The following SLC35B1 variants were observed in gnomAD, a reference collection of about 807,000 sequenced individuals.
SLC35B1 encodes ATP/ADP exchanger ER.
SLC35B1 carries 27 observed loss-of-function variants against 36.6 expected under a neutral mutation model. The observed-to-expected ratio is 0.74, with a 90% CI of 0.54 to 1.02. The LOEUF is 1.02. SLC35B1 is among the 50% of genes least tolerant of loss of function. The pLI is 0.00. For missense variants in SLC35B1, 321 were observed against 383.2 expected (o/e 0.84, Z 1.35); for synonymous variants, 162 against 152.5 (o/e 1.06, Z -0.46).
chr17:49,708,189 G>A (rs962501478), upstream of SLC35B1: 3 of 632,368 alleles, frequency 4.7e-6, no homozygotes, highest in African/African-American at 3.7e-5. Flanking sequence ...GAGCACCACA[G>A]GGTGTCCTAG....
At chr17:49,703,384 C>T in intron 6 of SLC35B1, 90 bp from the exon 7 acceptor site, 1 of 821,876 alleles carries the variant, frequency 1.2e-6, no homozygotes, top group Non-Finnish European at 2.1e-6. Context: ...ACAGACACTC[C>T]TGCACATGGC....
At chr17:49,703,766 A>G (rs1283059127) in intron 6 of SLC35B1, 2 of 356,848 alleles carry the variant, frequency 5.6e-6, no homozygotes, top group African/African-American at 4.2e-5. Context: ...AACTGTCTTC[A>G]GTGTACAGCT....
At chr17:49,704,780 A>G (rs948902554) in intron 5 of SLC35B1, among the ~76,000 whole-genome samples, 1 of 152,202 alleles carries the variant, frequency 6.6e-6, no homozygotes, top group Non-Finnish European at 1.5e-5. Context: ...ACCAGCTACT[A>G]TCATATTATT....
At position 49,701,269 on chromosome 17, in the gene SLC35B1, C is replaced by G; in HGVS notation, c.*189G>C. The G allele has an allele frequency of 1.8e-6, 1 of 567,354 alleles. No individual in the cohort carries two copies. Among genetic ancestry groups the G allele is most frequent in the South Asian group, 2.2e-5 (1 of 45,944 alleles). The allele number at this position is 567,354 out of a possible 1,614,324, so 35.1% of individuals were successfully genotyped here. ...ATAGACTGCTCCAGGGCATGAAGAACAAAAACCACCACTCTGTCTTGTTAA... is the reference window on the plus strand; with the variant it reads ...ATAGACTGCTCCAGGGCATGAAGAAGAAAAACCACCACTCTGTCTTGTTAA... On this transcript the variant is annotated 3_prime_UTR_variant, in exon 9 of 9. Coordinates refer to ENST00000240333, the MANE Select transcript of SLC35B1 (RefSeq NM_005827.4).
At chr17:49,701,535 T>C (rs2073351314) in intron 8 of SLC35B1, 25 bp from the exon 9 acceptor site, 1 of 1,609,838 alleles carries the variant, frequency 6.2e-7, no homozygotes, top group Non-Finnish European at 8.5e-7. Context: ...AAAATGGGCT[T>C]AGCCTTATGG....
At chr17:49,706,639 T>C (rs938672308) in intron 2 of SLC35B1, among the ~76,000 whole-genome samples, 1 of 152,060 alleles carries the variant, frequency 6.6e-6, no homozygotes, top group Admixed American at 6.6e-5. Context: ...AAAGAGAGAA[T>C]GCTCAAAGCA....
At chr17:49,705,982 G>A in intron 3 of SLC35B1, 86 bp from the exon 4 acceptor site, 1 of 1,417,312 alleles carries the variant, frequency 7.1e-7, no homozygotes, top group Admixed American at 1.8e-5. Flanking sequence ...AGATGAGTAA[G>A]CACAGGGCCT....
rs1250104700 is a variant in SLC35B1, at chr17:49,702,986, T to C, written c.788A>G (p.Tyr263Cys). 6.2e-7 allele frequency: 1 copy of C among 1,613,950 alleles called. No individual in the cohort carries two copies. The highest frequency in any genetic ancestry group is 8.5e-7 in the Non-Finnish European group (1 of 1,179,984). The change falls in exon 8 of 9, where the codon TAT (tyrosine) becomes TGT (cysteine). Residue 263 changes from tyrosine to cysteine, a missense_variant. Transcript: ENST00000240333. Reference protein sequence around the residue: ...GQSFIFMTVVYFGPLTCSIIT... With the variant: ...GQSFIFMTVVCFGPLTCSIIT... Reference sequence around the variant, plus strand: ...GATGGAGCAGGTCAGGGGACCAAAATACACAACCGTCATAAAGATGAAGCT... The same window carrying C: ...GATGGAGCAGGTCAGGGGACCAAAACACACAACCGTCATAAAGATGAAGCT...
upstream of SLC35B1, chr17:49,708,064 C>A: frequency 1.1e-6 from 1 of 885,972 alleles, no homozygotes; most frequent in Non-Finnish European, 1.8e-6. Context: ...GAAAGAAAAC[C>A]CGCCCTGGGA....
chr17:49,706,480 A>C, intron 2 of SLC35B1, 146 bp from the exon 3 acceptor site: 1 of 742,518 alleles, frequency 1.3e-6, no homozygotes, highest in East Asian at 3.0e-5. Flanking sequence ...GACACAAGCT[A>C]TTTCTGTCCT....
chr17:49,701,741 T>C (rs2073353320), intron 8 of SLC35B1: 3 of 461,184 alleles, frequency 6.5e-6, no homozygotes, highest in South Asian at 5.7e-5. Context: ...GAGATACAGA[T>C]AGATATAGAT....
At chr17:49,705,496 G>A in intron 4 of SLC35B1, 2 of 596,344 alleles carry the variant, frequency 3.4e-6, no homozygotes, top group South Asian at 2.1e-5. Context: ...GAGAACAAAG[G>A]TGAAAAGTCC....
At chr17:49,702,557 A>T (rs2073364343) in intron 8 of SLC35B1, 1 of 242,292 alleles carries the variant, frequency 4.1e-6, no homozygotes, top group Non-Finnish European at 8.2e-6. Flanking sequence ...ACACGGAGAA[A>T]CCCCATCTCT....
chr17:49,704,748 G>T (rs1241531540), intron 5 of SLC35B1, among the ~76,000 whole-genome samples: 2 of 152,138 alleles, frequency 1.3e-5, no homozygotes, highest in Admixed American at 1.3e-4. Context: ...AAAACACTCG[G>T]AACAGTGCCT....
In SLC35B1 at chr17:49,701,132, C is replaced by G. The variant is rs2143640432; in HGVS notation, c.*326G>C. The G allele has an allele frequency of 4.0e-6, 1 of 252,804 alleles. No homozygotes were observed. The allele number at this position is 252,804 out of a possible 1,614,324, so 15.7% of individuals were successfully genotyped here. On this transcript the variant is annotated 3_prime_UTR_variant, in exon 9 of 9. Coordinates refer to ENST00000240333, the MANE Select transcript of SLC35B1 (RefSeq NM_005827.4). ...ATCTCACAGAGTTCCTCCCTATAAT[C>G]CTCAGGTTCTTGGAGGAATCGCCCA... is the stretch of plus-strand genomic sequence containing the variant.
rs555615113 is a variant in SLC35B1 at position 49,704,128 on chromosome 17, G to A, written c.627C>T (p.Asn209=). ...TGSNHMMLNI[N]LWSTLLLGMG... ...TTCCCAGCAGCAATGTCGACCAAAGGTTGATGTTCAGCATCATGTGGTTGG... is the reference window on the plus strand; with the variant it reads ...TTCCCAGCAGCAATGTCGACCAAAGATTGATGTTCAGCATCATGTGGTTGG... The change falls in exon 6 of 9, where the codon AAC becomes AAT. Residue 209 remains asparagine, a synonymous_variant. Transcript: ENST00000240333. 1 of 1,614,182 alleles carries A rather than the reference G, an allele frequency of 6.2e-7. No individual in the cohort carries two copies. The highest frequency in any genetic ancestry group is 1.1e-5 in the South Asian group (1 of 91,086).
Position 49,703,214 on chromosome 17 carries a change from A to G in SLC35B1, c.736T>C (p.Phe246Leu), listed in dbSNP as rs765937967. The G allele has an allele frequency of 1.9e-6, 3 of 1,614,010 alleles. No homozygotes were observed. The highest frequency in any genetic ancestry group is 3.3e-4 in the Middle Eastern group (2 of 6,062). ...TGACCCAGGGCACTGGTCAGCCCAA[A>G]GAGCAGGATGTTATAGATGATGGCA... ...YPAIIYNILL[F>L]GLTSALGQSF... is the part of the protein sequence containing the mutation. The change falls in exon 7 of 9, where the codon TTT becomes CTT. Residue 246 changes from phenylalanine (F) to leucine (L), a missense_variant. Physicochemically the swap from Phe to Leu is conservative, Grantham distance 22 (BLOSUM62 0). Coordinates refer to ENST00000240333, the MANE Select transcript of SLC35B1 (RefSeq NM_005827.4).
intron 4 of SLC35B1, 59 bp downstream of exon 4, chr17:49,705,803 CAGAG>C (rs914805292): frequency 1.3e-6 from 2 of 1,505,444 alleles, no homozygotes; most frequent in East Asian, 4.5e-5. Context: ...ACAGTTGTAG[CAGAG>C]AGAGAGCTTA....
chr17:49,705,703 A>G (rs1195860105), intron 4 of SLC35B1, 163 bp downstream of exon 4: 1 of 733,648 alleles, frequency 1.4e-6, no homozygotes, highest in Non-Finnish European at 2.4e-6. Context: ...ACATCACAAG[A>G]AGTGACACAG....
Sources: gnomAD v4.1 joint callset for allele counts (sites outside exome capture counted in the v4.1 genomes callset) on GRCh38, gnomAD v4.1.1 for gene constraint, MANE v1.5 for transcripts, NCBI Gene and HGNC (gene_info 2026-07-23, HGNC 2026-07-21) for gene names.